NLGN1: variants seen among roughly 807,000 people sequenced by gnomAD.
NLGN1 encodes the protein neuroligin-1.
A neutral mutation model predicts 65.5 loss-of-function variants in NLGN1; 12 were observed. That is an observed-to-expected ratio of 0.18 (90% confidence interval 0.12 to 0.30). The LOEUF (loss-of-function observed/expected upper bound fraction) is 0.30. NLGN1 is among the 10% of genes least tolerant of loss of function. The probability of loss-of-function intolerance (pLI) is 1.00; values close to 1 mark genes in which losing one functional copy is unlikely to be tolerated. For missense variants in NLGN1, 750 were observed against 1,007.1 expected (o/e 0.74, Z 3.46); for synonymous variants, 350 against 359.5 (o/e 0.97, Z 0.30).
intron 2 of NLGN1, among the ~76,000 whole-genome samples, chr3:173,452,968 A>G (rs1181168309): frequency 6.6e-6 from 1 of 152,210 alleles, no homozygotes; most frequent in African/African-American, 2.4e-5. Flanking sequence ...AACAGTACTA[A>G]TGATCACTGG....
In NLGN1 at chr3:173,805,175, C is replaced by A. The variant is rs749359771; in HGVS notation, c.494-2505C>A. Among the ~76,000 whole-genome samples, 46 of 152,072 alleles carry A rather than the reference C, an allele frequency of 3.0e-4. 1 individual carries two copies. The highest frequency in any genetic ancestry group is 1.3e-4 in the Non-Finnish European group (9 of 68,010). ...TTAACAATATTAAGGTTTGTTATGT[C>A]CAAGAATTTTACCTGTTTTAGTAAG... On this transcript the variant is annotated intron_variant, in intron 3 of 6. Transcript: ENST00000457714.
intron 1 of NLGN1, among the ~76,000 whole-genome samples, chr3:173,428,474 T>C (rs1415308203): frequency 6.6e-6 from 1 of 152,014 alleles, no homozygotes; most frequent in Non-Finnish European, 1.5e-5. Flanking sequence ...ACCATAAGGC[T>C]TACAAAATAT....
chr3:173,604,781 G>C, exon 3 of NLGN1: 2 of 1,613,760 alleles, frequency 1.2e-6, no homozygotes, highest in Non-Finnish European at 1.7e-6. Context: ...ACTTTGGAAA[G>C]ATAAGAGGGA....
intron 3 of NLGN1, among the ~76,000 whole-genome samples, chr3:173,784,911 A>G (rs573808442): frequency 3.9e-5 from 6 of 152,358 alleles, no homozygotes; most frequent in Admixed American, 3.9e-4. Flanking sequence ...ACAGACATAT[A>G]CACAGAAAAC....
At chr3:173,511,074 A>G (rs545655386) in intron 2 of NLGN1, among the ~76,000 whole-genome samples, 1 of 152,274 alleles carries the variant, frequency 6.6e-6, no homozygotes, top group African/African-American at 2.4e-5. Flanking sequence ...TGGTTATTCT[A>G]TGAGTTTATG....
At chr3:173,451,256 G>T (rs1230553758) in intron 2 of NLGN1, among the ~76,000 whole-genome samples, 2 of 152,150 alleles carry the variant, frequency 1.3e-5, no homozygotes, top group Non-Finnish European at 2.9e-5. Context: ...TGTCCTTTCT[G>T]TTTGTTAGTT....
chr3:174,274,754 C>CATTG (rs1465525840), intron 4 of NLGN1, among the ~76,000 whole-genome samples: 2 of 151,944 alleles, frequency 1.3e-5, no homozygotes, highest in African/African-American at 4.8e-5. Flanking sequence ...CATTGATCAT[C>CATTG]ATTGATAAAA....
intron 4 of NLGN1, among the ~76,000 whole-genome samples, chr3:174,103,773 A>G (rs1441538092): frequency 2.0e-5 from 3 of 152,012 alleles, no homozygotes; most frequent in Non-Finnish European, 4.4e-5. Flanking sequence ...TTACTGTATG[A>G]CCTAGTCATA....
At chr3:174,068,387 C>T (rs1306428510) in intron 4 of NLGN1, among the ~76,000 whole-genome samples, 1 of 151,954 alleles carries the variant, frequency 6.6e-6, no homozygotes, top group African/African-American at 2.4e-5. Context: ...ATAGTAGAGC[C>T]CCAGAATGCT....
intron 4 of NLGN1, among the ~76,000 whole-genome samples, chr3:173,829,593 G>A (rs1326031109): frequency 6.7e-6 from 1 of 148,982 alleles, no homozygotes. Flanking sequence ...TGTGTGTTAA[G>A]ATCACTTAAA....
intron 4 of NLGN1, among the ~76,000 whole-genome samples, chr3:173,819,390 G>T (rs183584365): frequency 2.0e-5 from 3 of 152,084 alleles, no homozygotes; most frequent in African/African-American, 4.8e-5. Context: ...ACTGACTCTC[G>T]GATCCATTCC....
chr3:174,134,759 C>G (rs998846500), intron 4 of NLGN1, among the ~76,000 whole-genome samples: 1 of 152,164 alleles, frequency 6.6e-6, no homozygotes, highest in Non-Finnish European at 1.5e-5. Context: ...AAAGTAAGGA[C>G]TGGATCAATT....
chr3:174,005,093 A>G (rs1216996486), intron 4 of NLGN1, among the ~76,000 whole-genome samples: 1 of 152,196 alleles, frequency 6.6e-6, no homozygotes, highest in Non-Finnish European at 1.5e-5. Flanking sequence ...TGCTATCTTC[A>G]TTTATTAATG....
intron 4 of NLGN1, among the ~76,000 whole-genome samples, chr3:173,877,744 C>A (rs977541943): frequency 6.6e-5 from 10 of 152,062 alleles, no homozygotes; most frequent in African/African-American, 2.2e-4. Flanking sequence ...TGTACATATC[C>A]AATTTTAAGA....
At chr3:174,212,774 A>G (rs1736931175) in intron 4 of NLGN1, among the ~76,000 whole-genome samples, 1 of 152,250 alleles carries the variant, frequency 6.6e-6, no homozygotes, top group South Asian at 2.1e-4. Flanking sequence ...CATTAGATTA[A>G]AATGAGGCAT....
At chr3:174,153,228 C>T (rs9862155) in intron 4 of NLGN1, among the ~76,000 whole-genome samples, 3 of 151,842 alleles carry the variant, frequency 2.0e-5, no homozygotes, top group Non-Finnish European at 2.9e-5. Flanking sequence ...GAATTTACCA[C>T]AATTTATAAT....
At chr3:173,970,864 AC>A (rs1404219337) in intron 4 of NLGN1, among the ~76,000 whole-genome samples, 1 of 152,184 alleles carries the variant, frequency 6.6e-6, no homozygotes, top group East Asian at 1.9e-4. Context: ...AAGACTGAAT[AC>A]TGGCAGTAAT....
intron 4 of NLGN1, among the ~76,000 whole-genome samples, chr3:174,268,367 T>TAA (rs1345410393): frequency 6.6e-6 from 1 of 152,094 alleles, no homozygotes; most frequent in Non-Finnish European, 1.5e-5. Flanking sequence ...TGGATAAACT[T>TAA]TTCTTAAGAT....
In NLGN1 at chr3:174,103,766, C is replaced by T. The variant is rs191626892; in HGVS notation, c.647-171549C>T. ...TCAATATTCTTGAATATAGTTTTTA[C>T]TGTATGACCTAGTCATACATTTACC... On this transcript the variant is annotated intron_variant, in intron 4 of 6. Coordinates refer to ENST00000457714, the Ensembl canonical transcript of NLGN1. Among the ~76,000 whole-genome samples the T allele has an allele frequency of 9.7e-4, 148 of 152,188 alleles. 2 individuals carry two copies. In the Middle Eastern group the frequency reaches 0.017, roughly 17 times the overall value.
Sources: gnomAD v4.1 joint callset for allele counts (sites outside exome capture counted in the v4.1 genomes callset) on GRCh38, gnomAD v4.1.1 for gene constraint, MANE v1.5 for transcripts, NCBI Gene and HGNC (gene_info 2026-07-23, HGNC 2026-07-21) for gene names.